RBFOX1: variants seen among roughly 807,000 people sequenced by gnomAD.
RBFOX1 encodes the protein RNA binding protein fox-1 homolog 1.
In RBFOX1, 8 loss-of-function variants were observed where a neutral mutation model predicts 57.7. That is an observed-to-expected ratio of 0.14 (90% confidence interval 0.08 to 0.25). RBFOX1 has a LOEUF of 0.25. RBFOX1 is among the 10% of genes least tolerant of loss of function. RBFOX1 has a pLI of 1.00. For missense variants in RBFOX1, 611 were observed against 548.5 expected (o/e 1.11, Z -1.14); for synonymous variants, 326 against 222.4 (o/e 1.47, Z -4.15).
At chr16:7,274,950 C>T (rs528893738) in intron 4 of RBFOX1, among the ~76,000 whole-genome samples, 2 of 152,096 alleles carry the variant, frequency 1.3e-5, no homozygotes, top group African/African-American at 4.8e-5. Context: ...TCCCAAAGTG[C>T]TGGAATTAGA....
chr16:7,139,898 G>A (rs2073203800), intron 4 of RBFOX1, among the ~76,000 whole-genome samples: 2 of 152,088 alleles, frequency 1.3e-5, no homozygotes, highest in Non-Finnish European at 2.9e-5. Flanking sequence ...CTTGTAAAAT[G>A]TTGGCTGTGG....
chr16:6,773,090 G>C (rs775056019), intron 3 of RBFOX1, among the ~76,000 whole-genome samples: 31 of 145,078 alleles, frequency 2.1e-4, no homozygotes, highest in Non-Finnish European at 3.7e-4. Context: ...TGTATGTGTG[G>C]GCGTGGGGTG....
intron 4 of RBFOX1, among the ~76,000 whole-genome samples, chr16:7,142,807 G>A (rs181216650): frequency 6.6e-6 from 1 of 152,078 alleles, no homozygotes; most frequent in African/African-American, 2.4e-5. Flanking sequence ...GCTTAAACCA[G>A]TATTGAATGA....
At chr16:6,564,587 C>A (rs942575796) in intron 2 of RBFOX1, among the ~76,000 whole-genome samples, 1 of 152,070 alleles carries the variant, frequency 6.6e-6, no homozygotes, top group South Asian at 2.1e-4. Flanking sequence ...TATATGGAAT[C>A]TAAAAAGCTG....
At position 5,856,604 on chromosome 16, in the gene RBFOX1, T is replaced by TATATATATATAA. The variant is rs776623035; in HGVS notation, c.319-10698_319-10697insTATATATATAAA. Among the ~76,000 whole-genome samples, 467 of 68,022 alleles carry TATATATATATAA rather than the reference T, an allele frequency of 6.9e-3. 69 individuals are homozygous for TATATATATATAA. The highest frequency in any genetic ancestry group is 0.025 in the Middle Eastern group (3 of 120). 44.6% of individuals were successfully genotyped at this position (68,022 alleles called of 152,430 possible). A position where few individuals can be genotyped will look rare whatever the true frequency, so the allele number is the denominator to read the frequency against. On this transcript the variant is annotated intron_variant, in intron 3 of 19. Transcript: ENST00000641259. Reference sequence around the variant, plus strand: ...ATATATATATATATATATATATATATAATCTTAGCCAGATCTTCTGGATAA... The same window carrying TATATATATATAA: ...ATATATATATATATATATATATATATATATATATATAAAATCTTAGCCAGATCTTCTGGATAA...
Position 6,009,176 on chromosome 16 carries a change from A to G in RBFOX1, c.351+141841A>G, listed in dbSNP as rs575439840. ...GCACACGGGTTCACAACATTCTTCA[A>G]CAGTGATTCCAGGTCCAGGATGACT... is the stretch of plus-strand genomic sequence containing the variant. On this transcript the variant is annotated intron_variant, in intron 4 of 19. Transcript: ENST00000641259. 2.6e-5 allele frequency among the ~76,000 whole-genome samples: 4 copies of G among 151,984 alleles called. No individual in the cohort carries two copies. In the East Asian group the frequency reaches 7.8e-4, roughly 29 times the overall value.
chr16:7,113,181 A>C (rs1340801590), intron 4 of RBFOX1, among the ~76,000 whole-genome samples: 2 of 152,184 alleles, frequency 1.3e-5, no homozygotes. Flanking sequence ...ACACAGATAC[A>C]TAAATACATT....
In RBFOX1 at chr16:6,864,983, GTTTTTC is replaced by G. The variant is rs1457550270; in HGVS notation, c.-15-187062_-15-187057del. 3.0e-3 allele frequency among the ~76,000 whole-genome samples: 362 copies of G among 120,944 alleles called. 4 individuals carry two copies. Among genetic ancestry groups the G allele is most frequent in the South Asian group, 6.7e-3 (24 of 3,608 alleles). 79.3% of individuals were successfully genotyped at this position (120,944 alleles called of 152,430 possible). A position where few individuals can be genotyped will look rare whatever the true frequency, so the allele number is the denominator to read the frequency against. Reference sequence around the variant, plus strand: ...AATCCCAGTGCCAATGTTGGAGTGGGTTTTTCTTTTTCTTTTTTTTTTTTTTTTTTT... The same window carrying G: ...AATCCCAGTGCCAATGTTGGAGTGGGTTTTTCTTTTTTTTTTTTTTTTTTT... On this transcript the variant is annotated intron_variant, in intron 3 of 15. Coordinates refer to ENST00000550418, the MANE Select transcript of RBFOX1 (RefSeq NM_018723.4).
intron 3 of RBFOX1, among the ~76,000 whole-genome samples, chr16:6,847,919 C>T (rs941162173): frequency 2.0e-5 from 3 of 151,996 alleles, no homozygotes; most frequent in African/African-American, 7.2e-5. Context: ...CTCACTGCAA[C>T]CTCTGTATCA....
At chr16:5,293,231 G>T (rs1193141586) in intron 1 of RBFOX1, among the ~76,000 whole-genome samples, 5 of 152,072 alleles carry the variant, frequency 3.3e-5, no homozygotes, top group Non-Finnish European at 7.4e-5. Flanking sequence ...TGAGGCAGGA[G>T]TTATCGCTTG....
chr16:6,794,923 C>A (rs1017280188), intron 3 of RBFOX1, among the ~76,000 whole-genome samples: 1 of 152,078 alleles, frequency 6.6e-6, no homozygotes, highest in South Asian at 2.1e-4. Context: ...CACAGATGAG[C>A]AAACTGAGAC....
intron 1 of RBFOX1, among the ~76,000 whole-genome samples, chr16:5,445,806 A>T (rs2068222726): frequency 6.6e-6 from 1 of 152,220 alleles, no homozygotes; most frequent in African/African-American, 2.4e-5. Flanking sequence ...ATGCTGACCC[A>T]TACTATATGC....
rs535098936 is a variant in RBFOX1 at position 5,419,593 on chromosome 16, T to C, written c.220-47623T>C. On this transcript the variant is annotated intron_variant, in intron 1 of 2. Coordinates refer to the RBFOX1 transcript ENST00000585867. Reference sequence around the variant, plus strand: ...GCATCCTTCATTCCAATCAAGTTGATGCTCAGTATTAACCGTCACAGTCTC... The same window carrying C: ...GCATCCTTCATTCCAATCAAGTTGACGCTCAGTATTAACCGTCACAGTCTC... 5.3e-5 allele frequency among the ~76,000 whole-genome samples: 8 copies of C among 152,038 alleles called. No individual in the cohort carries two copies. In the South Asian group the frequency reaches 1.0e-3, roughly 20 times the overall value.
chr16:6,777,963 G>C (rs2079664131), intron 3 of RBFOX1, among the ~76,000 whole-genome samples: 1 of 152,130 alleles, frequency 6.6e-6, no homozygotes, highest in Admixed American at 6.6e-5. Context: ...ATCTGAATGT[G>C]AGCAGCAGAA....
At chr16:6,652,849 G>C (rs1215555354) in intron 2 of RBFOX1, among the ~76,000 whole-genome samples, 2 of 152,276 alleles carry the variant, frequency 1.3e-5, no homozygotes, top group Middle Eastern at 3.4e-3. Context: ...TTGCACAACA[G>C]TTTGTATGGG....
intron 2 of RBFOX1, among the ~76,000 whole-genome samples, chr16:6,589,932 C>T (rs2097687333): frequency 6.6e-6 from 1 of 152,154 alleles, no homozygotes; most frequent in Non-Finnish European, 1.5e-5. Flanking sequence ...CCTGTAGCTA[C>T]ATCATGAGCT....
intron 1 of RBFOX1, among the ~76,000 whole-genome samples, chr16:5,444,873 G>A (rs1279916093): frequency 1.3e-5 from 2 of 152,168 alleles, no homozygotes; most frequent in East Asian, 1.9e-4. Flanking sequence ...CTTTGGTTTA[G>A]TTTACTCTAT....
intron 2 of RBFOX1, among the ~76,000 whole-genome samples, chr16:6,389,835 T>G (rs2092504252): frequency 1.3e-5 from 2 of 152,148 alleles, no homozygotes; most frequent in African/African-American, 4.8e-5. Flanking sequence ...GAATAAAAAT[T>G]GATGCTGTCT....
In RBFOX1 at chr16:6,829,761, C is replaced by G. The variant is rs143093436; in HGVS notation, c.-16+175111C>G. 5.3e-5 allele frequency among the ~76,000 whole-genome samples: 8 copies of G among 152,084 alleles called. No individual in the cohort carries two copies. In the East Asian group the frequency reaches 1.5e-3, roughly 29 times the overall value. On this transcript the variant is annotated intron_variant, in intron 3 of 15. Coordinates refer to ENST00000550418, the MANE Select transcript of RBFOX1 (RefSeq NM_018723.4). ...GAATTACAGGCACCTGCCACAACAC[C>G]CAGCTAATTTTTGCATTTGTAGTAG...
Sources: allele counts gnomAD v4.1 joint callset (sites outside exome capture counted in the v4.1 genomes callset), GRCh38; gene constraint gnomAD v4.1.1; transcripts MANE v1.5; gene names NCBI Gene and HGNC (gene_info 2026-07-23, HGNC 2026-07-21).